Variants in TNRC6A observed in about 807,000 individuals in gnomAD.
TNRC6A encodes trinucleotide repeat-containing gene 6A protein.
Under a neutral mutation model 221.2 loss-of-function variants are expected in TNRC6A, and 44 were observed. That is an observed-to-expected ratio of 0.20 (90% CI 0.16 to 0.26). The LOEUF (loss-of-function observed/expected upper bound fraction) is 0.26, where lower values mean the gene tolerates loss of function less well. TNRC6A is among the 10% of genes least tolerant of loss of function. The pLI is 1.00. For synonymous variants in TNRC6A, 847 were observed against 838.5 expected (o/e 1.01, Z -0.18); for missense variants, 2,199 against 2,404.4 (o/e 0.91, Z 1.79).
Position 24,820,248 on chromosome 16 carries a change from G to T in TNRC6A, c.5190G>T (p.Pro1730=). The T allele has an allele frequency of 6.2e-7, 1 of 1,614,030 alleles. No homozygotes were observed. Among genetic ancestry groups the T allele is most frequent in the African/African-American group, 1.3e-5 (1 of 74,998 alleles). ...VPLPPKNITA[P]SRPPPGLTGQ... The stretch of plus-strand genomic sequence containing the variant: ...TGCCACCTAAAAACATCACTGCTCC[G>T]TCCCGCCCACCTCCGGGACTGACTG... The change falls in exon 22 of 25, where the codon CCG becomes CCT. Residue 1730 remains proline, a synonymous_variant. Transcript: ENST00000395799.
At chr16:24,669,968 T>TTTTTTTTTTTTTTTTTTTTAA in intron 2 of TNRC6A, among the ~76,000 whole-genome samples, 1 of 116,018 alleles carries the variant, frequency 8.6e-6, no homozygotes, top group East Asian at 2.8e-4. Flanking sequence ...TTTTTTTTTT[T>TTTTTTTTTTTTTTTTTTTTAA]AGACAGAGTC....
chr16:24,678,634 G>T (rs72768624), intron 2 of TNRC6A, among the ~76,000 whole-genome samples: 13,606 of 152,130 alleles, frequency 0.089, 867 homozygotes, highest in East Asian at 0.22. Flanking sequence ...GAGCCTGGGA[G>T]GTCAAAGCTG....
At chr16:24,810,830 G>A (rs2058527386) in intron 18 of TNRC6A, among the ~76,000 whole-genome samples, 1 of 152,204 alleles carries the variant, frequency 6.6e-6, no homozygotes, top group African/African-American at 2.4e-5. Flanking sequence ...GTAAGAGAGA[G>A]AAAGGTCAGT....
At chr16:24,799,905 A>G (rs546263831) in intron 11 of TNRC6A, among the ~76,000 whole-genome samples, 3 of 152,294 alleles carry the variant, frequency 2.0e-5, no homozygotes, top group Admixed American at 6.5e-5. Context: ...ACTACTGGGT[A>G]TGGAAATACT....
At chr16:24,614,067 C>T (rs1442812805) in intron 1 of TNRC6A, among the ~76,000 whole-genome samples, 2 of 152,162 alleles carry the variant, frequency 1.3e-5, no homozygotes, top group African/African-American at 4.8e-5. Flanking sequence ...AGTCTGCTGG[C>T]AGGTTGGTTC....
At chr16:24,780,114 T>A (rs1282768456) in intron 5 of TNRC6A, among the ~76,000 whole-genome samples, 1 of 152,222 alleles carries the variant, frequency 6.6e-6, no homozygotes, top group Non-Finnish European at 1.5e-5. Flanking sequence ...AATATTGTTC[T>A]TATAGGCCAA....
intron 4 of TNRC6A, among the ~76,000 whole-genome samples, chr16:24,771,327 G>T (rs534482004): frequency 1.3e-5 from 2 of 152,244 alleles, no homozygotes; most frequent in South Asian, 4.2e-4. Context: ...GTCAGCAGAG[G>T]CAGTGTGGTT....
chr16:24,663,984 C>A, intron 2 of TNRC6A: 1 of 456,462 alleles, frequency 2.2e-6, no homozygotes, highest in South Asian at 1.5e-5. Flanking sequence ...GTTTAACCAT[C>A]CCAAGCCTCT....
chr16:24,687,787 AGAGAAG>A (rs1380336874), intron 2 of TNRC6A, among the ~76,000 whole-genome samples: 6 of 139,632 alleles, frequency 4.3e-5, no homozygotes, highest in Admixed American at 7.6e-5. Flanking sequence ...TGACAGAGCA[AGAGAAG>A]GAGAAGGAGA....
intron 2 of TNRC6A, among the ~76,000 whole-genome samples, chr16:24,683,561 A>G (rs1362556114): frequency 3.9e-5 from 6 of 152,166 alleles, no homozygotes; most frequent in Non-Finnish European, 7.3e-5. Context: ...GACAAGCCAC[A>G]GCTGTGTTCA....
At chr16:24,757,230 G>A (rs1567430786) in intron 3 of TNRC6A, among the ~76,000 whole-genome samples, 3 of 152,052 alleles carry the variant, frequency 2.0e-5, no homozygotes, top group East Asian at 1.9e-4. Flanking sequence ...AAGCACTTAC[G>A]TGGTGGAGCA....
intron 1 of TNRC6A, among the ~76,000 whole-genome samples, chr16:24,611,539 C>T (rs1900055103): frequency 6.6e-6 from 1 of 152,042 alleles, no homozygotes; most frequent in South Asian, 2.1e-4. Flanking sequence ...TGGGAGAAAC[C>T]AGGGCTCAAA....
At chr16:24,746,049 C>G (rs182268232) in intron 2 of TNRC6A, among the ~76,000 whole-genome samples, 3 of 152,180 alleles carry the variant, frequency 2.0e-5, no homozygotes, top group Admixed American at 2.0e-4. Context: ...CGCTTGTGCC[C>G]ACACCTTTCT....
chr16:24,726,463 AG>A (rs986117601), upstream of TNRC6A, among the ~76,000 whole-genome samples: 4 of 152,024 alleles, frequency 2.6e-5, no homozygotes, highest in Non-Finnish European at 4.4e-5. Flanking sequence ...AGGGAGAGTT[AG>A]GTTGTGGCAA....
chr16:24,777,428 G>A (rs1006838606), intron 5 of TNRC6A, 70 bp downstream of exon 5: 26 of 1,485,602 alleles, frequency 1.8e-5, no homozygotes, highest in South Asian at 2.5e-5. Context: ...TGATAAATTC[G>A]TAGCTTTTTG....
chr16:24,672,107 CTTTG>C (rs375851938), intron 2 of TNRC6A, among the ~76,000 whole-genome samples: 28 of 152,036 alleles, frequency 1.8e-4, no homozygotes, highest in African/African-American at 6.7e-4. Flanking sequence ...GGAAAGTGTT[CTTTG>C]TTTATTTTAT....
chr16:24,621,471 G>T (rs1486211674), intron 1 of TNRC6A, among the ~76,000 whole-genome samples: 2 of 149,470 alleles, frequency 1.3e-5, no homozygotes, highest in African/African-American at 4.9e-5. Flanking sequence ...CGGTTCTTGT[G>T]CCTCGGCCTC....
At chr16:24,645,411 G>A (rs1158055797) in intron 2 of TNRC6A, among the ~76,000 whole-genome samples, 1 of 151,726 alleles carries the variant, frequency 6.6e-6, no homozygotes, top group Non-Finnish European at 1.5e-5. Context: ...GGAAGCTTGA[G>A]CCTGGGAGGC....
intron 19 of TNRC6A, 62 bp downstream of exon 19, chr16:24,815,367 C>CTGG: frequency 6.4e-7 from 1 of 1,568,564 alleles, no homozygotes; most frequent in Non-Finnish European, 8.7e-7. Flanking sequence ...TTTGTTACAT[C>CTGG]TGGACTTACT....
Sources: gnomAD v4.1 joint callset for allele counts (sites outside exome capture counted in the v4.1 genomes callset) on GRCh38, gnomAD v4.1.1 for gene constraint, MANE v1.5 for transcripts, NCBI Gene and HGNC (gene_info 2026-07-23, HGNC 2026-07-21) for gene names.